The following ANKRD11 variants were observed in gnomAD, a reference collection of about 807,000 sequenced individuals.
ANKRD11 encodes ankyrin repeat domain-containing protein 11.
In ANKRD11, 17 loss-of-function variants were observed where a neutral mutation model predicts 195.7. That is an observed-to-expected ratio of 0.09 (90% CI 0.06 to 0.13). The LOEUF (loss-of-function observed/expected upper bound fraction) is 0.13. Among genes scored for constraint, ANKRD11 ranks in the 10% least tolerant of loss-of-function variants. ANKRD11 has a pLI of 1.00. For missense variants in ANKRD11, 3,735 were observed against 3,566.1 expected (o/e 1.05, Z -1.21); for synonymous variants, 1,953 against 1,528.1 (o/e 1.28, Z -6.49).
At chr16:89,272,763 A>G (rs943546406) in intron 11 of ANKRD11, 1 of 152,226 alleles carries the variant, frequency 6.6e-6, no homozygotes, top group Non-Finnish European at 1.5e-5. Flanking sequence ...TGTGTCCATC[A>G]ACAGATGAAT....
chr16:89,382,716 G>A (rs1245354767), intron 2 of ANKRD11, among the ~76,000 whole-genome samples: 1 of 152,052 alleles, frequency 6.6e-6, no homozygotes, highest in African/African-American at 2.4e-5. Context: ...CTGGGCTCAA[G>A]TAATCCTCCT....
Position 89,397,085 on chromosome 16 carries a change from T to C in ANKRD11, c.-60+21199A>G, listed in dbSNP as rs981642785. Among the ~76,000 whole-genome samples, 5 of 152,312 alleles carry C rather than the reference T, an allele frequency of 3.3e-5. No homozygotes were observed. The South Asian group carries it at 1.0e-3, about 32-fold the overall frequency. Reference sequence around the variant, plus strand: ...ATGGGCTTATTATTCCTGTTGTTAATTGGAATTGGTATACAGACATTTTCC... The same window carrying C: ...ATGGGCTTATTATTCCTGTTGTTAACTGGAATTGGTATACAGACATTTTCC... On this transcript the variant is annotated intron_variant, in intron 2 of 12. Transcript: ENST00000301030.
chr16:89,478,050 C>G (rs2965961), intron 1 of ANKRD11, among the ~76,000 whole-genome samples: 1 of 152,066 alleles, frequency 6.6e-6, no homozygotes, highest in South Asian at 2.1e-4. Context: ...TCAAAAGAAG[C>G]CCAAAAAATC....
chr16:89,298,157 G>C (rs1319915241), intron 4 of ANKRD11: 1 of 152,242 alleles, frequency 6.6e-6, no homozygotes, highest in Non-Finnish European at 1.5e-5. Context: ...CCAGCATCCA[G>C]CGGTCACCAT....
intron 1 of ANKRD11, among the ~76,000 whole-genome samples, chr16:89,481,241 C>G (rs186350808): frequency 3.3e-5 from 5 of 152,160 alleles, no homozygotes; most frequent in Non-Finnish European, 7.4e-5. Flanking sequence ...GAGTCCCCTT[C>G]CCTATTTCAA....
rs1366228753 is a variant in ANKRD11, at chr16:89,280,507, T to A, written c.6035A>T (p.Glu2012Val). The change falls in exon 9 of 13, where the codon GAG becomes GTG. Residue 2012 changes from glutamate (E) to valine (V), a missense_variant. Transcript: ENST00000301030. Reference protein sequence around the residue: ...SAAPGPFSASEAPYPAPPASP... With the variant: ...SAAPGPFSASVAPYPAPPASP... ...GGCGGGAGGGGCGGGGTACGGCGCCTCCGAGGCGCTGAAGGGCCCTGGGGC... is the reference window on the plus strand; with the variant it reads ...GGCGGGAGGGGCGGGGTACGGCGCCACCGAGGCGCTGAAGGGCCCTGGGGC... 2 of 1,604,188 alleles carry A rather than the reference T, an allele frequency of 1.2e-6. No homozygotes were observed. Among genetic ancestry groups the A allele is most frequent in the Admixed American group, 1.7e-5 (1 of 59,126 alleles).
intron 1 of ANKRD11, 101 bp downstream of exon 1, chr16:89,490,144 C>G (rs1241638962): frequency 2.0e-5 from 3 of 149,396 alleles, no homozygotes; most frequent in African/African-American, 7.3e-5. Flanking sequence ...CGGAGGCCCG[C>G]GGCGCAGCTC....
At chr16:89,313,415 C>A in intron 3 of ANKRD11, 1 of 1,288,946 alleles carries the variant, frequency 7.8e-7, no homozygotes, top group Non-Finnish European at 1.0e-6. Context: ...GGTGAGAGAC[C>A]GTCTGCAGAA....
intron 1 of ANKRD11, among the ~76,000 whole-genome samples, chr16:89,440,879 T>A (rs1484506614): frequency 6.6e-6 from 1 of 152,194 alleles, no homozygotes; most frequent in Non-Finnish European, 1.5e-5. Context: ...GCATGAATCC[T>A]GGTGTGGCTG....
chr16:89,418,459 G>A (rs898774858), intron 1 of ANKRD11, 91 bp from the exon 2 acceptor site: 11 of 361,938 alleles, frequency 3.0e-5, no homozygotes, highest in Admixed American at 1.8e-4. Flanking sequence ...TGGTCCACAC[G>A]GTTTATTCCA....
chr16:89,402,365 T>C (rs1480624772), intron 2 of ANKRD11, among the ~76,000 whole-genome samples: 1 of 152,110 alleles, frequency 6.6e-6, no homozygotes, highest in Non-Finnish European at 1.5e-5. Context: ...GTATCTGGGA[T>C]TGAGCGCTTA....
chr16:89,448,269 C>A (rs1357559892), intron 1 of ANKRD11, among the ~76,000 whole-genome samples: 1 of 149,964 alleles, frequency 6.7e-6, no homozygotes, highest in Non-Finnish European at 1.5e-5. Flanking sequence ...AATATATGTG[C>A]AAATTATTTC....
chr16:89,328,207 G>C (rs1012352792), intron 2 of ANKRD11, among the ~76,000 whole-genome samples: 1 of 152,176 alleles, frequency 6.6e-6, no homozygotes, highest in African/African-American at 2.4e-5. Context: ...AAGGATGCTG[G>C]AGAGGATGTA....
intron 1 of ANKRD11, among the ~76,000 whole-genome samples, chr16:89,483,647 G>A (rs961306717): frequency 2.0e-5 from 3 of 152,220 alleles, no homozygotes; most frequent in Admixed American, 1.3e-4. Flanking sequence ...TGACCAACAC[G>A]GAGAAACCCC....
At chr16:89,436,232 C>T (rs567837812) in intron 1 of ANKRD11, among the ~76,000 whole-genome samples, 3 of 152,114 alleles carry the variant, frequency 2.0e-5, no homozygotes, top group Admixed American at 6.5e-5. Flanking sequence ...CTGGCCAACT[C>T]GGTGAAACCT....
intron 3 of ANKRD11, among the ~76,000 whole-genome samples, chr16:89,308,949 A>C (rs901230255): frequency 2.0e-5 from 3 of 152,310 alleles, no homozygotes; most frequent in African/African-American, 7.2e-5. Flanking sequence ...TGCAGCGGGC[A>C]ACCAAGGTGG....
chr16:89,301,715 G>A (rs949099142), intron 4 of ANKRD11: 14 of 398,470 alleles, frequency 3.5e-5, no homozygotes, highest in South Asian at 1.3e-4. Flanking sequence ...GGGACCACGC[G>A]GATGCACAGC....
rs145861921 is a variant in ANKRD11, at chr16:89,325,735, G to A, written c.-59-8657C>T. On this transcript the variant is annotated intron_variant, in intron 2 of 12. Transcript: ENST00000301030. ...TACTGGGTGGACGTTTGGGTTCTCA[G>A]CTGAAGCAGTCTTTCAGAAGGTGAC... 1.1e-3 allele frequency among the ~76,000 whole-genome samples: 170 copies of A among 152,320 alleles called. 1 individual carries two copies. The highest frequency in any genetic ancestry group is 3.9e-3 in the African/African-American group (164 of 41,554).
chr16:89,366,092 T>C (rs1201679210), intron 2 of ANKRD11, among the ~76,000 whole-genome samples: 1 of 134,900 alleles, frequency 7.4e-6, no homozygotes. Flanking sequence ...ATGGCGCCAC[T>C]GCACTCTAGC....
Sources: allele counts gnomAD v4.1 joint callset (sites outside exome capture counted in the v4.1 genomes callset), GRCh38; gene constraint gnomAD v4.1.1; transcripts MANE v1.5; gene names NCBI Gene and HGNC (gene_info 2026-07-23, HGNC 2026-07-21).